Variants in RYR2 observed in about 807,000 individuals in gnomAD.
The protein encoded by RYR2 is ryanodine receptor 2, also known as cardiac muscle ryanodine receptor-calcium release channel.
RYR2 carries 227 observed loss-of-function variants against 601.1 expected under a neutral mutation model. The observed-to-expected ratio is 0.38, with a 90% CI of 0.34 to 0.42. RYR2 has a LOEUF of 0.42. RYR2 is among the 10% of genes least tolerant of loss of function. The pLI, the probability that RYR2 is intolerant of heterozygous loss-of-function variation, is 1.00. For missense variants in RYR2, 4,646 were observed against 6,156.5 expected, an observed-to-expected ratio of 0.75 and a Z score of 8.21; for synonymous variants, 2,223 against 2,175.1, an observed-to-expected ratio of 1.02 and a Z score of -0.61.
At chr1:237,635,268 A>G (rs1048174564) in intron 44 of RYR2, among the ~76,000 whole-genome samples, 1 of 152,212 alleles carries the variant, frequency 6.6e-6, no homozygotes, top group African/African-American at 2.4e-5. Flanking sequence ...GTTATGAAGA[A>G]CAATACATTT....
At chr1:237,687,897 T>A (rs1183345253) in intron 63 of RYR2, among the ~76,000 whole-genome samples, 1 of 152,132 alleles carries the variant, frequency 6.6e-6, no homozygotes, top group African/African-American at 2.4e-5. Context: ...CTGCACTTAT[T>A]TTTTTTAATG....
chr1:237,129,030 CTTG>C (rs1558287197), intron 1 of RYR2, among the ~76,000 whole-genome samples: 1 of 152,146 alleles, frequency 6.6e-6, no homozygotes, highest in East Asian at 1.9e-4. Flanking sequence ...TATATTTTGA[CTTG>C]TTAAGTTTGA....
At position 237,483,313 on chromosome 1, in the gene RYR2, A is replaced by G. The variant is rs1662324940; in HGVS notation, c.1709-8493A>G. 2.6e-5 allele frequency among the ~76,000 whole-genome samples: 4 copies of G among 152,200 alleles called. No homozygotes were observed. In the South Asian group the frequency reaches 8.3e-4, roughly 31 times the overall value. On this transcript the variant is annotated intron_variant, in intron 17 of 104. Coordinates refer to ENST00000366574, the MANE Select transcript of RYR2 (RefSeq NM_001035.3). ...TGCCTTATTTTATTTCAACCATAAA[A>G]TAATAGCAAATACTTACATCACGTT...
chr1:237,224,994 G>T (rs1684208433), intron 1 of RYR2, among the ~76,000 whole-genome samples: 1 of 152,154 alleles, frequency 6.6e-6, no homozygotes, highest in Non-Finnish European at 1.5e-5. Flanking sequence ...TCTTATTTCA[G>T]ATTTTTTTGC....
chr1:237,066,329 G>A (rs1332781607), intron 1 of RYR2, among the ~76,000 whole-genome samples: 1 of 152,106 alleles, frequency 6.6e-6, no homozygotes, highest in African/African-American at 2.4e-5. Context: ...AATCAGTTTT[G>A]TTTCTTTGGG....
intron 1 of RYR2, among the ~76,000 whole-genome samples, chr1:237,133,813 T>A (rs1672436352): frequency 1.3e-5 from 2 of 150,480 alleles, no homozygotes; most frequent in African/African-American, 4.9e-5. Flanking sequence ...TAATCCCAGC[T>A]ACTCAGGAGG....
intron 1 of RYR2, among the ~76,000 whole-genome samples, chr1:237,263,122 A>G (rs766353946): frequency 6.6e-6 from 1 of 152,180 alleles, no homozygotes; most frequent in Non-Finnish European, 1.5e-5. Flanking sequence ...GCAATAATAG[A>G]CAGGATCGGT....
At chr1:237,465,530 G>T (rs540166245) in intron 16 of RYR2, among the ~76,000 whole-genome samples, 2 of 152,198 alleles carry the variant, frequency 1.3e-5, no homozygotes, top group Admixed American at 1.3e-4. Flanking sequence ...CAGTTCTAAG[G>T]AATACATCTT....
intron 2 of RYR2, among the ~76,000 whole-genome samples, chr1:237,286,902 T>C (rs567194049): frequency 6.6e-6 from 1 of 152,294 alleles, no homozygotes; most frequent in African/African-American, 2.4e-5. Context: ...ACTTGTATTT[T>C]TGTTTTATAG....
chr1:237,765,958 C>T (rs888687585), intron 84 of RYR2, among the ~76,000 whole-genome samples: 1 of 152,098 alleles, frequency 6.6e-6, no homozygotes, highest in African/African-American at 2.4e-5. Context: ...GGTGGAAGTA[C>T]TTAGCGGCTG....
chr1:237,723,684 A>G (rs928159702), intron 74 of RYR2, among the ~76,000 whole-genome samples: 1 of 152,074 alleles, frequency 6.6e-6, no homozygotes, highest in African/African-American at 2.4e-5. Flanking sequence ...CTTTTTTGCC[A>G]CTTGTTTAAC....
chr1:237,722,529 G>C (rs1172577267), intron 73 of RYR2, among the ~76,000 whole-genome samples: 3 of 151,612 alleles, frequency 2.0e-5, no homozygotes, highest in Non-Finnish European at 4.4e-5. Context: ...CGCCTCCCGG[G>C]TTCACGCTGT....
In RYR2 at chr1:237,579,235, A is replaced by ACTTCTT. The variant is rs1414799847; in HGVS notation, c.3598+9926_3598+9931dup. ...CTTCCTTGCCACGTGAGGATAATTT[A>ACTTCTT]CTTCTTCTTCTTCTTTTTTTTTTTT... On this transcript the variant is annotated intron_variant, in intron 29 of 104. Coordinates refer to ENST00000366574, the MANE Select transcript of RYR2 (RefSeq NM_001035.3). 4.0e-3 allele frequency among the ~76,000 whole-genome samples: 524 copies of ACTTCTT among 129,564 alleles called. 36 individuals are homozygous for ACTTCTT. Among genetic ancestry groups the ACTTCTT allele is most frequent in the East Asian group, 0.01 (41 of 4,076 alleles). The allele number at this position is 129,564 out of a possible 152,430, so 85.0% of individuals were successfully genotyped here.
chr1:237,223,362 T>C (rs114677398), intron 1 of RYR2, among the ~76,000 whole-genome samples: 7 of 152,308 alleles, frequency 4.6e-5, no homozygotes, highest in Non-Finnish European at 1.0e-4. Context: ...GGAAGAACAC[T>C]CATGGCTGAT....
At chr1:237,556,279 ATATTATTATTATTAT>A (rs57036969) in intron 27 of RYR2, among the ~76,000 whole-genome samples, 6,245 of 142,912 alleles carry the variant, frequency 0.044, 340 homozygotes, top group African/African-American at 0.13. Context: ...ATTTTTTAAA[ATATTATTATTATTAT>A]TATTATTATT....
At chr1:237,575,934 A>T (rs187511840) in intron 29 of RYR2, among the ~76,000 whole-genome samples, 3 of 152,306 alleles carry the variant, frequency 2.0e-5, no homozygotes, top group Admixed American at 6.5e-5. Context: ...GGAGTGTTTC[A>T]CAAGGTAGAA....
chr1:237,361,878 G>A, intron 4 of RYR2, among the ~76,000 whole-genome samples: 1 of 152,058 alleles, frequency 6.6e-6, no homozygotes, highest in East Asian at 1.9e-4. Context: ...GTAAAGTATT[G>A]CTATTTGATT....
At chr1:237,312,808 C>G (rs186549626) in intron 2 of RYR2, among the ~76,000 whole-genome samples, 1 of 152,298 alleles carries the variant, frequency 6.6e-6, no homozygotes, top group Non-Finnish European at 1.5e-5. Flanking sequence ...TTGGAATTTA[C>G]TATTGCTACC....
intron 2 of RYR2, among the ~76,000 whole-genome samples, chr1:237,278,245 A>ATTTTTTTTT (rs71561863): frequency 8.4e-4 from 56 of 67,020 alleles, no homozygotes; most frequent in Non-Finnish European, 9.9e-4. Context: ...TAATTTTTGT[A>ATTTTTTTTT]TTTTTTTTTT....
Sources: gnomAD v4.1 joint callset for allele counts (sites outside exome capture counted in the v4.1 genomes callset) on GRCh38, gnomAD v4.1.1 for gene constraint, MANE v1.5 for transcripts, NCBI Gene and HGNC (gene_info 2026-07-23, HGNC 2026-07-21) for gene names.